EPC1: variants seen among roughly 807,000 people sequenced by gnomAD.
EPC1 encodes enhancer of polycomb 1.
In EPC1, 12 loss-of-function variants were observed where a neutral mutation model predicts 98.4. The ratio of observed to expected loss-of-function variants is 0.12; its 90% CI spans 0.08 to 0.20. EPC1 has a LOEUF of 0.20. Among genes scored for constraint, EPC1 ranks in the 10% least tolerant of loss-of-function variants. The pLI, the probability that EPC1 is intolerant of heterozygous loss-of-function variation, is 1.00. For missense variants in EPC1, 729 were observed against 990.5 expected, an observed-to-expected ratio of 0.74 and a Z score of 3.54; for synonymous variants, 357 against 363.9, an observed-to-expected ratio of 0.98 and a Z score of 0.21.
chr10:32,301,058 C>G (rs898186106), intron 2 of EPC1, among the ~76,000 whole-genome samples: 170 of 150,590 alleles, frequency 1.1e-3, no homozygotes, highest in African/African-American at 3.8e-3. Flanking sequence ...ATCTATCTAT[C>G]TATCTATCTA....
intron 2 of EPC1, among the ~76,000 whole-genome samples, chr10:32,296,673 C>T (rs111737941): frequency 0.01 from 1,588 of 152,240 alleles, 32 homozygotes; most frequent in African/African-American, 0.036. Context: ...CTTTGGGAGG[C>T]CAAGGCAGGT....
At chr10:32,378,431 T>C in intron 1 of EPC1, 3 of 1,399,850 alleles carry the variant, frequency 2.1e-6, no homozygotes, top group Non-Finnish European at 2.9e-6. Flanking sequence ...ACAATGAAAA[T>C]CCTTTTTAGC....
chr10:32,293,556 T>TAAAG, intron 3 of EPC1, 36 bp downstream of exon 3: 1 of 1,586,562 alleles, frequency 6.3e-7, no homozygotes. Flanking sequence ...TTACATAGAA[T>TAAAG]ATGTATATAC....
intron 1 of EPC1, among the ~76,000 whole-genome samples, chr10:32,339,693 C>G (rs534612254): frequency 1.6e-4 from 24 of 152,200 alleles, no homozygotes; most frequent in South Asian, 4.1e-4. Context: ...CTTCTGAGAA[C>G]AAAAAGCAAG....
At chr10:32,343,144 CTG>C (rs1838479865) in intron 1 of EPC1, among the ~76,000 whole-genome samples, 1 of 151,904 alleles carries the variant, frequency 6.6e-6, no homozygotes, top group African/African-American at 2.4e-5. Context: ...TATTATTTCG[CTG>C]TGATTTAAGT....
upstream of EPC1, among the ~76,000 whole-genome samples, chr10:32,350,545 A>G (rs1416807740): frequency 6.6e-6 from 1 of 152,228 alleles, no homozygotes; most frequent in African/African-American, 2.4e-5. Context: ...ACTGTCAGGT[A>G]TGATTGAGGA....
At chr10:32,289,694 G>T (rs994795380) in intron 6 of EPC1, among the ~76,000 whole-genome samples, 2 of 151,582 alleles carry the variant, frequency 1.3e-5, no homozygotes, top group Non-Finnish European at 2.9e-5. Context: ...CGCGATCTCG[G>T]CTCACTGCAA....
At chr10:32,346,732 C>G (rs1011020088) in intron 1 of EPC1, 31 bp downstream of exon 1, 1 of 1,601,680 alleles carries the variant, frequency 6.2e-7, no homozygotes, top group Non-Finnish European at 8.5e-7. Flanking sequence ...GCGGGCCTGA[C>G]GGTGGGTCGG....
At chr10:32,328,953 C>CA (rs1837473918) in intron 1 of EPC1, among the ~76,000 whole-genome samples, 1 of 152,206 alleles carries the variant, frequency 6.6e-6, no homozygotes, top group South Asian at 2.1e-4. Flanking sequence ...CACCTGGAAA[C>CA]TCTTAAGTTT....
intron 1 of EPC1, among the ~76,000 whole-genome samples, chr10:32,377,886 C>T (rs959258213): frequency 2.0e-5 from 3 of 152,014 alleles, no homozygotes; most frequent in Admixed American, 2.0e-4. Flanking sequence ...CAAGATAGAC[C>T]TGCAAAGATT....
At chr10:32,344,664 T>C (rs1838633080) in intron 1 of EPC1, among the ~76,000 whole-genome samples, 1 of 152,146 alleles carries the variant, frequency 6.6e-6, no homozygotes. Flanking sequence ...CAAGCGCCTA[T>C]AATCCCAGCT....
intron 1 of EPC1, among the ~76,000 whole-genome samples, chr10:32,344,022 T>C (rs1045522471): frequency 6.6e-6 from 1 of 152,348 alleles, no homozygotes; most frequent in East Asian, 1.9e-4. Context: ...GTTCAGGTTC[T>C]AGGTTACAGT....
At chr10:32,291,018 C>G (rs924693796) in intron 6 of EPC1, 145 bp downstream of exon 6, 2 of 646,078 alleles carry the variant, frequency 3.1e-6, no homozygotes, top group Non-Finnish European at 5.1e-6. Context: ...CTCAGGTGAT[C>G]TACCCACCTC....
intron 5 of EPC1, 122 bp from the exon 6 acceptor site, chr10:32,291,444 C>T: frequency 1.4e-6 from 1 of 738,736 alleles, no homozygotes; most frequent in Non-Finnish European, 2.1e-6. Flanking sequence ...TATCCATCAC[C>T]TCACATAATT....
chr10:32,373,542 C>T (rs935771237), intron 1 of EPC1, among the ~76,000 whole-genome samples: 5 of 152,084 alleles, frequency 3.3e-5, no homozygotes, highest in Non-Finnish European at 7.4e-5. Context: ...AATTTCAGTC[C>T]CCTTGTCAGT....
At chr10:32,377,089 G>T (rs1257510988) in intron 1 of EPC1, 2 of 152,034 alleles carry the variant, frequency 1.3e-5, no homozygotes, top group African/African-American at 4.8e-5. Context: ...ATATAATCCT[G>T]CATTTAGATA....
At chr10:32,357,721 A>G (rs938828700) in intron 1 of EPC1, among the ~76,000 whole-genome samples, 19 of 152,068 alleles carry the variant, frequency 1.2e-4, no homozygotes, top group Non-Finnish European at 2.9e-5. Context: ...CAGCCTTCTA[A>G]AGTGCTGGGA....
intron 1 of EPC1, among the ~76,000 whole-genome samples, chr10:32,306,220 T>C (rs1835869191): frequency 6.6e-6 from 1 of 152,216 alleles, no homozygotes; most frequent in African/African-American, 2.4e-5. Context: ...AAAGCTTGCA[T>C]TTTACGGATG....
chr10:32,309,452 T>A (rs1025596016), intron 1 of EPC1, among the ~76,000 whole-genome samples: 2 of 151,664 alleles, frequency 1.3e-5, no homozygotes, highest in African/African-American at 2.4e-5. Flanking sequence ...ATTATCTATA[T>A]TTTAAAATAC....
Sources: allele counts gnomAD v4.1 joint callset (sites outside exome capture counted in the v4.1 genomes callset), GRCh38; gene constraint gnomAD v4.1.1; transcripts MANE v1.5; gene names NCBI Gene and HGNC (gene_info 2026-07-23, HGNC 2026-07-21).